CFI: variants seen among roughly 807,000 people sequenced by gnomAD.
CFI encodes the protein C3B/C4B inactivator.
Under a neutral mutation model 78.8 loss-of-function variants are expected in CFI, and 66 were observed. The observed-to-expected ratio is 0.84, with a 90% CI of 0.69 to 1.03. The LOEUF is 1.03. CFI is among the 50% of genes least tolerant of loss of function. The probability of loss-of-function intolerance (pLI) is 0.00; values close to 1 mark genes in which losing one functional copy is unlikely to be tolerated. For missense variants in CFI, 706 were observed against 704.5 expected (o/e 1.00, Z -0.02); for synonymous variants, 250 against 232.6 (o/e 1.07, Z -0.68).
At chr4:109,757,873 A>C in intron 6 of CFI, 90 bp from the exon 7 acceptor site, 1 of 1,309,184 alleles carries the variant, frequency 7.6e-7, no homozygotes, top group Non-Finnish European at 1.0e-6. Context: ...TATCATGAAA[A>C]CCATTGCACC....
intron 10 of CFI, among the ~76,000 whole-genome samples, chr4:109,747,309 C>T (rs191322100): frequency 6.6e-6 from 1 of 152,264 alleles, no homozygotes; most frequent in South Asian, 2.1e-4. Flanking sequence ...CTCAGCCTCC[C>T]TAGTAACTAG....
chr4:109,733,544 T>C, the CFI span, among the ~76,000 whole-genome samples: 1 of 152,214 alleles, frequency 6.6e-6, no homozygotes, highest in South Asian at 2.1e-4. Context: ...GGCATAAGTA[T>C]GGCTTGGTCC....
intron 1 of CFI, among the ~76,000 whole-genome samples, chr4:109,799,365 A>G (rs12650933): frequency 0.11 from 16,893 of 152,238 alleles, 2,224 homozygotes; most frequent in African/African-American, 0.31. Context: ...GGAAGGCCTT[A>G]GGATAGAAAA....
chr4:109,789,565 CA>C (rs1731133029), intron 1 of CFI, among the ~76,000 whole-genome samples: 1 of 151,956 alleles, frequency 6.6e-6, no homozygotes, highest in Admixed American at 6.6e-5. Flanking sequence ...ATTCTATACC[CA>C]GTAAAAATAT....
intron 7 of CFI, among the ~76,000 whole-genome samples, chr4:109,755,709 A>G (rs1726050805): frequency 6.6e-6 from 1 of 152,126 alleles, no homozygotes; most frequent in Non-Finnish European, 1.5e-5. Flanking sequence ...CAACCTCCAA[A>G]ACTGTAAGAA....
chr4:109,760,746 A>C (rs761185925), intron 4 of CFI, 110 bp from the exon 5 acceptor site: 11 of 726,130 alleles, frequency 1.5e-5, no homozygotes, highest in Non-Finnish European at 2.8e-5. Flanking sequence ...AACTTCAAAA[A>C]AATGTATAAA....
rs764182605 is a variant in CFI at position 109,760,531 on chromosome 4, C to T, written c.764G>A (p.Cys255Tyr). 5.1e-6 allele frequency: 8 copies of T among 1,579,070 alleles called. No individual in the cohort carries two copies. The highest frequency in any genetic ancestry group is 6.1e-6 in the Non-Finnish European group (7 of 1,148,118). ...NDCGDQSDEL[C>Y]CKACQGKGFH... ...GCTAGATTTATGTCTACCTTTACAA[C>T]ACAGTTCATCACTTTGGTCTCCACA... The change falls in exon 5 of 13, where the codon TGT becomes TAT. Residue 255 changes from cysteine (C) to tyrosine (Y), a missense_variant. Transcript: ENST00000394634.
the CFI span, among the ~76,000 whole-genome samples, chr4:109,734,045 G>T: frequency 6.6e-6 from 1 of 152,144 alleles, no homozygotes; most frequent in Non-Finnish European, 1.5e-5. Context: ...GGTGGTACAT[G>T]CCTGTAGTCC....
chr4:109,795,065 A>C, intron 1 of CFI, among the ~76,000 whole-genome samples: 1 of 152,208 alleles, frequency 6.6e-6, no homozygotes, highest in Admixed American at 6.5e-5. Flanking sequence ...AGGATAAGAA[A>C]ATAAATTTCA....
downstream of CFI, among the ~76,000 whole-genome samples, chr4:109,735,735 C>T (rs118173010): frequency 1.1e-3 from 168 of 152,280 alleles, 3 homozygotes; most frequent in East Asian, 0.024. Flanking sequence ...AGAGAGACTT[C>T]GGGGTAAAGC....
At chr4:109,788,781 GTA>G (rs1021651658) in intron 1 of CFI, among the ~76,000 whole-genome samples, 6 of 152,066 alleles carry the variant, frequency 3.9e-5, no homozygotes, top group Non-Finnish European at 5.9e-5. Context: ...AATTTAAAAA[GTA>G]AATTTAAAAT....
At position 109,740,729 on chromosome 4, in the gene CFI, C is replaced by G. The variant is rs934646098; in HGVS notation, c.*164G>C. On this transcript the variant is annotated 3_prime_UTR_variant, in exon 13 of 13. Coordinates refer to ENST00000394634, the MANE Select transcript of CFI (RefSeq NM_000204.5). ...CCAAAATATTTATTTGAGAATTATA[C>G]AACAAAATTCCAATATGGCATAAAC... The G allele has an allele frequency of 9.7e-6, 7 of 723,778 alleles. No homozygotes were observed. In the Admixed American group the frequency reaches 1.6e-4, roughly 17 times the overall value. 44.8% of individuals were successfully genotyped at this position (723,778 alleles called of 1,614,324 possible). A position where few individuals can be genotyped will look rare whatever the true frequency, so the allele number is the denominator to read the frequency against.
intron 1 of CFI, among the ~76,000 whole-genome samples, chr4:109,785,450 A>C (rs1202053872): frequency 6.6e-6 from 1 of 152,074 alleles, no homozygotes; most frequent in Non-Finnish European, 1.5e-5. Flanking sequence ...ATTTATATAT[A>C]AATACATTCA....
chr4:109,745,140 A>G (rs1346204815), intron 11 of CFI, among the ~76,000 whole-genome samples: 2 of 152,200 alleles, frequency 1.3e-5, no homozygotes, highest in African/African-American at 4.8e-5. Flanking sequence ...TAAGATGTTG[A>G]AAGGAAGCTA....
Position 109,764,534 on chromosome 4 carries a change from C to A in CFI, c.482+3G>T, listed in dbSNP as rs1322756033. The A allele has an allele frequency of 6.2e-7, 1 of 1,613,890 alleles. No homozygotes were observed. Among genetic ancestry groups the A allele is most frequent in the Non-Finnish European group, 8.5e-7 (1 of 1,179,998 alleles). Reference sequence around the variant, plus strand: ...GAGAAAATCCACTGATACAAGCGCTCACTGTTGAAACCCAAGGTCAAGGCA... The same window carrying A: ...GAGAAAATCCACTGATACAAGCGCTAACTGTTGAAACCCAAGGTCAAGGCA... On this transcript the variant is annotated splice_donor_region_variant and intron_variant, in intron 3 of 12. Transcript: ENST00000394634.
At chr4:109,746,590 TA>T in intron 10 of CFI, 88 bp from the exon 11 acceptor site, 3 of 1,155,426 alleles carry the variant, frequency 2.6e-6, no homozygotes, top group Non-Finnish European at 2.4e-6. Context: ...TTTTCCCTTT[TA>T]AAAACCTTTT....
intron 1 of CFI, among the ~76,000 whole-genome samples, chr4:109,785,427 C>A (rs2125854124): frequency 6.6e-6 from 1 of 152,156 alleles, no homozygotes; most frequent in Admixed American, 6.5e-5. Context: ...CTTTGTACAG[C>A]AGTGCACTTA....
At chr4:109,752,110 A>C (rs1266862636) in intron 8 of CFI, among the ~76,000 whole-genome samples, 1 of 152,146 alleles carries the variant, frequency 6.6e-6, no homozygotes, top group Non-Finnish European at 1.5e-5. Flanking sequence ...AACATCTATT[A>C]TTTTTTCTAT....
intron 1 of CFI, among the ~76,000 whole-genome samples, chr4:109,796,589 G>T (rs1319519273): frequency 6.6e-6 from 1 of 152,162 alleles, no homozygotes; most frequent in Non-Finnish European, 1.5e-5. Flanking sequence ...ATCCTTTGAG[G>T]CCAGGAGTTT....
Sources: allele counts gnomAD v4.1 joint callset (sites outside exome capture counted in the v4.1 genomes callset), GRCh38; gene constraint gnomAD v4.1.1; transcripts MANE v1.5; gene names NCBI Gene and HGNC (gene_info 2026-07-23, HGNC 2026-07-21).